VIPR1: variants seen among roughly 807,000 people sequenced by gnomAD.
VIPR1 encodes vasoactive intestinal polypeptide receptor 1.
A neutral mutation model predicts 58.8 loss-of-function variants in VIPR1; 59 were observed. The ratio of observed to expected loss-of-function variants is 1.00; its 90% CI spans 0.81 to 1.25. VIPR1 has a LOEUF of 1.25. VIPR1 is among the 50% of genes most tolerant of loss of function. The probability of loss-of-function intolerance (pLI) is 0.00; values close to 1 mark genes in which losing one functional copy is unlikely to be tolerated. For synonymous variants in VIPR1, 251 were observed against 242.1 expected (o/e 1.04, Z -0.34); for missense variants, 626 against 602.7 (o/e 1.04, Z -0.40).
Position 42,531,545 on chromosome 3 carries a change from C to A in VIPR1, c.851+14C>A. ...TGAGGATTATGGGTGAGCTGCTGCC[C>A]CACACACTCCCCCGGCCGCCATCAC... On this transcript the variant is annotated intron_variant, in intron 8 of 12. Coordinates refer to ENST00000325123, the MANE Select transcript of VIPR1 (RefSeq NM_004624.4). 1 of 1,592,438 alleles carries A rather than the reference C, an allele frequency of 6.3e-7. No individual in the cohort carries two copies. The highest frequency in any genetic ancestry group is 8.6e-7 in the Non-Finnish European group (1 of 1,168,832).
chr3:42,530,118 C>T (rs1175911263), intron 6 of VIPR1: 3 of 153,418 alleles, frequency 2.0e-5, no homozygotes, highest in Non-Finnish European at 4.4e-5. Flanking sequence ...CAGCTACCTT[C>T]AATACAAATT....
Position 42,513,865 on chromosome 3 carries a change from C to T in VIPR1, c.184+11C>T, listed in dbSNP as rs1364543999. 1 of 1,551,166 alleles carries T rather than the reference C, an allele frequency of 6.4e-7. No individual in the cohort carries two copies. The highest frequency in any genetic ancestry group is 1.2e-5 in the South Asian group (1 of 84,024). On this transcript the variant is annotated intron_variant, in intron 2 of 12. Transcript: ENST00000325123. ...AGAATGAGACAATAGGTGAGGCCCC[C>T]ATGGGCAGAGAGGGGCTGCATGCCC...
intron 1 of VIPR1, chr3:42,512,766 C>T (rs1700417932): frequency 1.0e-6 from 1 of 985,376 alleles, no homozygotes; most frequent in East Asian, 1.1e-4. Flanking sequence ...GATGAGGAAA[C>T]TGGTGTGGGG....
intron 1 of VIPR1, among the ~76,000 whole-genome samples, chr3:42,504,926 A>AT (rs1553635533): frequency 8.2e-5 from 12 of 145,788 alleles, no homozygotes; most frequent in African/African-American, 3.1e-4. Context: ...AAAAAAAAAA[A>AT]GGAAAGAAAA....
intron 1 of VIPR1, among the ~76,000 whole-genome samples, chr3:42,508,327 T>C (rs1175350560): frequency 6.6e-6 from 1 of 152,026 alleles, no homozygotes; most frequent in Non-Finnish European, 1.5e-5. Flanking sequence ...TGAAGTTGAG[T>C]AAATTGCCCA....
intron 1 of VIPR1, among the ~76,000 whole-genome samples, chr3:42,497,476 G>A (rs866450970): frequency 3.3e-5 from 5 of 151,924 alleles, no homozygotes; most frequent in South Asian, 2.1e-4. Context: ...ACACACACAC[G>A]CACACTGCAG....
chr3:42,522,099 ATATT>A (rs1700963269), intron 3 of VIPR1, among the ~76,000 whole-genome samples: 2 of 55,584 alleles, frequency 3.6e-5, no homozygotes, highest in African/African-American at 9.7e-5. Flanking sequence ...ATATATATAT[ATATT>A]TTTTTTTTTT....
chr3:42,490,724 G>A (rs1292576632), intron 1 of VIPR1, among the ~76,000 whole-genome samples: 1 of 152,120 alleles, frequency 6.6e-6, no homozygotes, highest in East Asian at 1.9e-4. Flanking sequence ...TTAGGAGTTG[G>A]GGGGAAGGGA....
At chr3:42,514,416 C>T (rs917940011) in intron 2 of VIPR1, among the ~76,000 whole-genome samples, 1 of 151,958 alleles carries the variant, frequency 6.6e-6, no homozygotes, top group Admixed American at 6.5e-5. Flanking sequence ...AGAAGGGGCA[C>T]AAGTTTTGTC....
At chr3:42,514,002 G>T in intron 2 of VIPR1, 148 bp downstream of exon 2, 1 of 873,072 alleles carries the variant, frequency 1.1e-6, no homozygotes, top group East Asian at 2.7e-5. Context: ...AGAAGAAAGG[G>T]GCTAACAGGC....
At chr3:42,523,908 C>T (rs545576971) in intron 3 of VIPR1, among the ~76,000 whole-genome samples, 5 of 151,442 alleles carry the variant, frequency 3.3e-5, no homozygotes, top group African/African-American at 1.2e-4. Flanking sequence ...ACCTCCACCT[C>T]CTGGGTTCAA....
At chr3:42,495,413 G>C (rs1336398626) in intron 1 of VIPR1, among the ~76,000 whole-genome samples, 2 of 152,160 alleles carry the variant, frequency 1.3e-5, no homozygotes, top group African/African-American at 4.8e-5. Flanking sequence ...GAGCCACTGT[G>C]CCTGGCCTGC....
At chr3:42,531,733 G>A (rs964298625) in intron 8 of VIPR1, 70 bp from the exon 9 acceptor site, 3 of 1,599,394 alleles carry the variant, frequency 1.9e-6, no homozygotes, top group East Asian at 2.2e-5. Context: ...GGGGACAACT[G>A]GGGGAGGTGC....
At chr3:42,513,411 G>GT (rs1262188159) in intron 1 of VIPR1, 6 of 248,512 alleles carry the variant, frequency 2.4e-5, no homozygotes, top group African/African-American at 1.1e-4. Context: ...AAGCTGGAGA[G>GT]TGGCAGAGTC....
At chr3:42,528,360 G>A (rs1202196613) in intron 6 of VIPR1, 8 of 563,598 alleles carry the variant, frequency 1.4e-5, no homozygotes, top group Admixed American at 6.2e-5. Context: ...ACCTGCCGCC[G>A]CCAGTGAGAA....
chr3:42,503,618 A>G (rs1429795140), intron 1 of VIPR1, among the ~76,000 whole-genome samples: 4 of 152,160 alleles, frequency 2.6e-5, no homozygotes, highest in Non-Finnish European at 4.4e-5. Context: ...TGGGAGGCAG[A>G]TGCTGATTGA....
chr3:42,533,102 G>A (rs1013768436), intron 10 of VIPR1: 2 of 152,388 alleles, frequency 1.3e-5, no homozygotes, highest in Admixed American at 6.5e-5. Context: ...GGGAGGCTGT[G>A]GGAAGGCAAG....
At chr3:42,522,121 T>G (rs1304591210) in intron 3 of VIPR1, among the ~76,000 whole-genome samples, 1 of 103,504 alleles carries the variant, frequency 9.7e-6, no homozygotes, top group African/African-American at 4.2e-5. Context: ...TTTTTTTTTT[T>G]TTTTTTTTTA....
chr3:42,509,361 T>C (rs746390375), intron 1 of VIPR1: 1 of 152,226 alleles, frequency 6.6e-6, no homozygotes, highest in African/African-American at 2.4e-5. Flanking sequence ...CTTGAGGGGA[T>C]TGAACATGGC....
Sources: gnomAD v4.1 joint callset for allele counts (sites outside exome capture counted in the v4.1 genomes callset) on GRCh38, gnomAD v4.1.1 for gene constraint, MANE v1.5 for transcripts, NCBI Gene and HGNC (gene_info 2026-07-23, HGNC 2026-07-21) for gene names.